The following MSI2 variants were observed in gnomAD, a reference collection of about 807,000 sequenced individuals.
The protein encoded by MSI2 is RNA-binding protein Musashi homolog 2.
Under a neutral mutation model 45.6 loss-of-function variants are expected in MSI2, and 17 were observed. The ratio of observed to expected loss-of-function variants is 0.37; its 90% CI spans 0.26 to 0.56. The LOEUF (loss-of-function observed/expected upper bound fraction) is 0.56. MSI2 is among the 20% of genes least tolerant of loss of function. The pLI, the probability that MSI2 is intolerant of heterozygous loss-of-function variation, is 0.77. For synonymous variants in MSI2, 156 were observed against 158.2 expected (o/e 0.99, Z 0.11); for missense variants, 293 against 444.2 (o/e 0.66, Z 3.06).
At chr17:57,462,537 C>T (rs2143629229) in intron 6 of MSI2, among the ~76,000 whole-genome samples, 1 of 152,280 alleles carries the variant, frequency 6.6e-6, no homozygotes, top group East Asian at 1.9e-4. Context: ...GCTGCAGTTC[C>T]CAGCAGGGGT....
intron 5 of MSI2, among the ~76,000 whole-genome samples, chr17:57,377,765 G>T (rs34147626): frequency 1.3e-5 from 2 of 151,846 alleles, no homozygotes; most frequent in African/African-American, 4.8e-5. Flanking sequence ...TCTTCCACTC[G>T]CTCCATCCCA....
intron 8 of MSI2, among the ~76,000 whole-genome samples, chr17:57,597,357 A>G (rs947856832): frequency 6.6e-6 from 1 of 151,516 alleles, no homozygotes; most frequent in African/African-American, 2.4e-5. Flanking sequence ...CAGGCCAAGC[A>G]TGATGGCTCA....
rs531995243 is a variant in MSI2, at chr17:57,676,766, C to T, written c.946-221C>T. 1.2e-4 allele frequency among the ~76,000 whole-genome samples: 19 copies of T among 152,278 alleles called. No individual in the cohort carries two copies. The South Asian group carries it at 2.3e-3, about 18-fold the overall frequency. ...TCTGAATCTGGCTTTTGGTTTCCCC[C>T]GGGGTAAGCAGATAGGCTTGGTAGG... On this transcript the variant is annotated intron_variant, in intron 12 of 13. Coordinates refer to ENST00000284073, the MANE Select transcript of MSI2 (RefSeq NM_138962.4).
intron 7 of MSI2, among the ~76,000 whole-genome samples, chr17:57,556,664 A>C (rs1359036104): frequency 1.3e-5 from 2 of 152,190 alleles, no homozygotes; most frequent in African/African-American, 4.8e-5. Flanking sequence ...AAGTGAGTTT[A>C]TGAGGCCCTC....
chr17:57,555,536 A>G (rs1245124193), intron 7 of MSI2, among the ~76,000 whole-genome samples: 1 of 151,510 alleles, frequency 6.6e-6, no homozygotes, highest in Non-Finnish European at 1.5e-5. Context: ...GCACATATTA[A>G]CCCCTACCCA....
intron 5 of MSI2, among the ~76,000 whole-genome samples, chr17:57,334,247 T>G (rs78745249): frequency 1.9e-3 from 291 of 152,322 alleles, no homozygotes; most frequent in African/African-American, 6.7e-3. Context: ...TCCTGTCTTT[T>G]CCCTACTCTT....
intron 6 of MSI2, among the ~76,000 whole-genome samples, chr17:57,478,018 A>C (rs1275897382): frequency 1.3e-5 from 2 of 152,168 alleles, no homozygotes; most frequent in Admixed American, 6.5e-5. Context: ...GGGTAAATTA[A>C]GCATGTAGAG....
intron 4 of MSI2, among the ~76,000 whole-genome samples, chr17:57,261,286 G>A (rs910992934): frequency 2.0e-5 from 3 of 152,142 alleles, no homozygotes; most frequent in South Asian, 4.2e-4. Context: ...TTTTCCACTC[G>A]GATTGAGGTT....
intron 10 of MSI2, among the ~76,000 whole-genome samples, chr17:57,641,228 C>T (rs922385617): frequency 1.3e-5 from 2 of 152,130 alleles, no homozygotes; most frequent in Non-Finnish European, 2.9e-5. Flanking sequence ...CACAGATGTT[C>T]ATCTAATCAC....
At chr17:57,571,524 T>C (rs1358877933) in intron 7 of MSI2, among the ~76,000 whole-genome samples, 1 of 152,206 alleles carries the variant, frequency 6.6e-6, no homozygotes, top group Non-Finnish European at 1.5e-5. Flanking sequence ...TTCTGAATAT[T>C]CTCCTCTGGT....
At chr17:57,694,139 C>T in the MSI2 span, among the ~76,000 whole-genome samples, 1 of 152,174 alleles carries the variant, frequency 6.6e-6, no homozygotes. Flanking sequence ...CCCACAACAC[C>T]TAAAATATTT....
At chr17:57,387,291 TTTGA>T (rs774604236) in intron 5 of MSI2, among the ~76,000 whole-genome samples, 1 of 152,344 alleles carries the variant, frequency 6.6e-6, no homozygotes, top group Non-Finnish European at 1.5e-5. Flanking sequence ...CTGAGTTCTG[TTTGA>T]TTGGTGATAT....
At chr17:57,402,998 A>T (rs2084020865) in intron 6 of MSI2, among the ~76,000 whole-genome samples, 1 of 152,226 alleles carries the variant, frequency 6.6e-6, no homozygotes, top group South Asian at 2.1e-4. Context: ...ATTGGAAATA[A>T]TTAAATGAGA....
intron 5 of MSI2, among the ~76,000 whole-genome samples, chr17:57,382,506 A>G (rs2083614369): frequency 6.6e-6 from 1 of 152,158 alleles, no homozygotes; most frequent in African/African-American, 2.4e-5. Context: ...TTGAATGAAG[A>G]TCTGGGGTGT....
rs573804750 is a variant in MSI2 at position 57,581,621 on chromosome 17, A to G, written c.455-15247A>G. ...GCTGTCTCGTGAGTTTCTCCCAGAC[A>G]CAGTCTTAGAACATGTAGAGGGGCT... On this transcript the variant is annotated intron_variant, in intron 7 of 13. Transcript: ENST00000284073. 2.4e-4 allele frequency among the ~76,000 whole-genome samples: 36 copies of G among 152,294 alleles called. 1 individual carries two copies. The South Asian group carries it at 6.4e-3, about 27-fold the overall frequency.
At chr17:57,299,941 C>T (rs1798251660) in intron 5 of MSI2, among the ~76,000 whole-genome samples, 1 of 152,180 alleles carries the variant, frequency 6.6e-6, no homozygotes, top group Non-Finnish European at 1.5e-5. Context: ...AGATTATTTC[C>T]TTGCTGCCTT....
intron 5 of MSI2, among the ~76,000 whole-genome samples, chr17:57,325,313 G>A (rs376748861): frequency 1.3e-5 from 2 of 152,218 alleles, no homozygotes; most frequent in Non-Finnish European, 2.9e-5. Context: ...GGAGGAAAGT[G>A]GGGGAGGGTG....
the MSI2 span, among the ~76,000 whole-genome samples, chr17:57,694,231 T>G: frequency 6.6e-6 from 1 of 152,174 alleles, no homozygotes. Flanking sequence ...TGACTTGGAT[T>G]TGGGTTTTGC....
At chr17:57,528,048 A>G (rs985010884) in intron 6 of MSI2, among the ~76,000 whole-genome samples, 1 of 152,116 alleles carries the variant, frequency 6.6e-6, no homozygotes, top group Non-Finnish European at 1.5e-5. Context: ...TCTTAGCCAC[A>G]GGCACACAGT....
Sources: allele counts gnomAD v4.1 joint callset (sites outside exome capture counted in the v4.1 genomes callset), GRCh38; gene constraint gnomAD v4.1.1; transcripts MANE v1.5; gene names NCBI Gene and HGNC (gene_info 2026-07-23, HGNC 2026-07-21).